SUPT20H: variants seen among roughly 807,000 people sequenced by gnomAD.
The protein encoded by SUPT20H is SPT20 homolog, SAGA complex component.
In SUPT20H, 82 loss-of-function variants were observed where a neutral mutation model predicts 122.8. That is an observed-to-expected ratio of 0.67 (90% CI 0.56 to 0.80). The LOEUF is 0.80. SUPT20H is among the 30% of genes least tolerant of loss of function. SUPT20H has a pLI of 0.00. For synonymous variants in SUPT20H, 291 were observed against 313.0 expected, an observed-to-expected ratio of 0.93 and a Z score of 0.74; for missense variants, 831 against 921.6, an observed-to-expected ratio of 0.90 and a Z score of 1.27.
chr13:37,021,482 T>C lies in SUPT20H; in HGVS notation c.1782A>G (p.Ala594=), dbSNP rs952919870. The change falls in exon 21 of 26, where the codon GCA becomes GCG. Residue 594 remains alanine (A), a synonymous_variant. Coordinates refer to ENST00000350612, the MANE Select transcript of SUPT20H (RefSeq NM_001014286.3). The part of the protein sequence containing the change: ...LLPSGGLLPN[A]LPSAMQAASQ... ...AAGCTGCCTGCATTGCACTGGGCAG[T>C]GCATTTGGTAGCAGACCTCCTGAGG... is the stretch of plus-strand genomic sequence containing the variant. 2 of 1,613,992 alleles carry C rather than the reference T, an allele frequency of 1.2e-6. No individual in the cohort carries two copies. The highest frequency in any genetic ancestry group is 1.7e-6 in the Non-Finnish European group (2 of 1,179,934).
intron 2 of SUPT20H, among the ~76,000 whole-genome samples, chr13:37,050,347 C>A (rs1430018215): frequency 1.5e-3 from 112 of 76,916 alleles, no homozygotes; most frequent in African/African-American, 2.3e-3. Context: ...CTGTCACTAC[C>A]AAAAAAAAAA....
At chr13:37,055,878 G>A (rs1166949468) in intron 1 of SUPT20H, among the ~76,000 whole-genome samples, 3 of 152,064 alleles carry the variant, frequency 2.0e-5, no homozygotes, top group Non-Finnish European at 4.4e-5. Flanking sequence ...TCTGACAAAG[G>A]GCTAATATCC....
At chr13:37,057,542 A>G (rs1392686303) in intron 1 of SUPT20H, among the ~76,000 whole-genome samples, 2 of 151,336 alleles carry the variant, frequency 1.3e-5, no homozygotes, top group African/African-American at 4.9e-5. Flanking sequence ...AAAAAAAAAA[A>G]AAAAGGAAAG....
chr13:37,036,481 T>C (rs2064431667), intron 9 of SUPT20H, among the ~76,000 whole-genome samples: 1 of 152,232 alleles, frequency 6.6e-6, no homozygotes, highest in Non-Finnish European at 1.5e-5. Flanking sequence ...CACGCCACCA[T>C]GTCCAGCTAA....
At chr13:37,057,648 G>A (rs547765805) in intron 1 of SUPT20H, among the ~76,000 whole-genome samples, 34 of 152,012 alleles carry the variant, frequency 2.2e-4, no homozygotes, top group African/African-American at 7.7e-4. Context: ...TTCCAGACCT[G>A]CCTGAGCAAC....
At chr13:37,032,706 G>C (rs2063594984) in intron 10 of SUPT20H, among the ~76,000 whole-genome samples, 1 of 152,140 alleles carries the variant, frequency 6.6e-6, no homozygotes, top group Non-Finnish European at 1.5e-5. Flanking sequence ...AGCTCAAAGA[G>C]GTTCTCACAG....
At chr13:37,018,023 T>C (rs573806763) in intron 22 of SUPT20H, among the ~76,000 whole-genome samples, 1 of 152,234 alleles carries the variant, frequency 6.6e-6, no homozygotes, top group East Asian at 1.9e-4. Flanking sequence ...CATTTTAAGC[T>C]ATAGGGGTTT....
chr13:37,036,741 T>C (rs534981211), intron 9 of SUPT20H, among the ~76,000 whole-genome samples: 4 of 152,234 alleles, frequency 2.6e-5, no homozygotes, highest in African/African-American at 9.6e-5. Context: ...TCCTCCTCCT[T>C]GGCCTACTCA....
At chr13:37,052,985 C>T (rs1382632505) in intron 1 of SUPT20H, among the ~76,000 whole-genome samples, 3 of 152,314 alleles carry the variant, frequency 2.0e-5, no homozygotes, top group East Asian at 3.9e-4. Context: ...CCATCTCACA[C>T]CAGTTAGAAT....
In SUPT20H at chr13:37,033,437, A is replaced by G; in HGVS notation, c.707+12T>C. Reference sequence around the variant, plus strand: ...TGTGTCTTTTGGTTCACCCTTCCACAAAGGCAATTACCGTTTCATTGGGCG... The same window carrying G: ...TGTGTCTTTTGGTTCACCCTTCCACGAAGGCAATTACCGTTTCATTGGGCG... On this transcript the variant is annotated intron_variant, in intron 10 of 25. Coordinates refer to ENST00000350612, the MANE Select transcript of SUPT20H (RefSeq NM_001014286.3). 1 of 1,606,900 alleles carries G rather than the reference A, an allele frequency of 6.2e-7. No homozygotes were observed. Among genetic ancestry groups the G allele is most frequent in the Non-Finnish European group, 8.5e-7 (1 of 1,176,676 alleles).
intron 21 of SUPT20H, among the ~76,000 whole-genome samples, chr13:37,020,615 G>A (rs2061339172): frequency 6.6e-6 from 1 of 152,114 alleles, no homozygotes; most frequent in Non-Finnish European, 1.5e-5. Flanking sequence ...GCACACTTAT[G>A]CTTATTAAAA....
intron 13 of SUPT20H, among the ~76,000 whole-genome samples, chr13:37,029,346 T>C (rs2062891424): frequency 6.6e-6 from 1 of 152,048 alleles, no homozygotes; most frequent in Non-Finnish European, 1.5e-5. Flanking sequence ...CTGGCCAACA[T>C]GGCGAAACCC....
At chr13:37,048,137 G>C (rs2066875302) in intron 3 of SUPT20H, among the ~76,000 whole-genome samples, 1 of 152,152 alleles carries the variant, frequency 6.6e-6, no homozygotes, top group Non-Finnish European at 1.5e-5. Context: ...ATTTAGCAGA[G>C]TATTTCATTG....
intron 7 of SUPT20H, among the ~76,000 whole-genome samples, chr13:37,042,748 C>G (rs540620409): frequency 4.0e-4 from 61 of 152,158 alleles, no homozygotes; most frequent in Non-Finnish European, 7.5e-4. Flanking sequence ...AGAATGGGAT[C>G]TGCAAAAGAG....
chr13:37,050,551 A>G (rs987722527), intron 2 of SUPT20H, among the ~76,000 whole-genome samples: 1 of 152,184 alleles, frequency 6.6e-6, no homozygotes, highest in African/African-American at 2.4e-5. Context: ...AAAAAATTAT[A>G]ATAAACAAAA....
chr13:37,031,453 T>TA lies in SUPT20H; in HGVS notation c.921+113dup. On this transcript the variant is annotated intron_variant, in intron 12 of 25. Coordinates refer to ENST00000350612, the MANE Select transcript of SUPT20H (RefSeq NM_001014286.3). ...TAAAAAACTTGTTTAGAGTATGATC[T>TA]AAATCACTTTGTTTTTAAAGTAAGT... The TA allele has an allele frequency of 4.9e-6, 3 of 609,450 alleles. 1 individual carries two copies. The highest frequency in any genetic ancestry group is 7.3e-5 in the South Asian group (2 of 27,566). 37.8% of individuals were successfully genotyped at this position (609,450 alleles called of 1,614,324 possible).
At chr13:37,040,208 C>G in intron 9 of SUPT20H, 197 bp downstream of exon 9, 1 of 460,990 alleles carries the variant, frequency 2.2e-6, no homozygotes, top group Non-Finnish European at 3.8e-6. Context: ...TTAAAATGAT[C>G]TTAGGCAACT....
chr13:37,015,543 G>A (rs1566117961), intron 23 of SUPT20H, among the ~76,000 whole-genome samples: 1 of 151,580 alleles, frequency 6.6e-6, no homozygotes, highest in African/African-American at 2.4e-5. Flanking sequence ...AAGAGTTGGC[G>A]AGGATTTGGA....
In SUPT20H at chr13:37,024,358, A is replaced by G; in HGVS notation, c.1414T>C (p.Ser472Pro). 1 of 1,588,756 alleles carries G rather than the reference A, an allele frequency of 6.3e-7. No individual in the cohort carries two copies. The highest frequency in any genetic ancestry group is 8.5e-7 in the Non-Finnish European group (1 of 1,171,066). Reference sequence around the variant, plus strand: ...GTAATACCTGAGGAACTATTTCCTGAGCTTGAGGGAAGTTTGATTGGTGGG... The same window carrying G: ...GTAATACCTGAGGAACTATTTCCTGGGCTTGAGGGAAGTTTGATTGGTGGG... The part of the protein sequence containing the change: ...RPPPIKLPSS[S>P]GNSSSGNYFT... Residue 472 changes from serine to proline, a missense_variant, in exon 18 of 26, where the codon TCA becomes CCA. Coordinates refer to ENST00000350612, the MANE Select transcript of SUPT20H (RefSeq NM_001014286.3).
Sources: gnomAD v4.1 joint callset for allele counts (sites outside exome capture counted in the v4.1 genomes callset) on GRCh38, gnomAD v4.1.1 for gene constraint, MANE v1.5 for transcripts, NCBI Gene and HGNC (gene_info 2026-07-23, HGNC 2026-07-21) for gene names.